Variants in CSMD2 observed in about 807,000 individuals in gnomAD.
CSMD2 encodes the protein CUB and sushi domain-containing protein 2.
CSMD2 carries 130 observed loss-of-function variants against 398.5 expected under a neutral mutation model. That is an observed-to-expected ratio of 0.33 (90% CI 0.28 to 0.38). The LOEUF (loss-of-function observed/expected upper bound fraction) is 0.38. Among genes scored for constraint, CSMD2 ranks in the 10% least tolerant of loss-of-function variants. CSMD2 has a pLI of 1.00. For missense variants in CSMD2, 3,829 were observed against 4,764.9 expected, an observed-to-expected ratio of 0.80 and a Z score of 5.78; for synonymous variants, 1,828 against 1,908.5, an observed-to-expected ratio of 0.96 and a Z score of 1.10.
At chr1:34,121,929 G>A (rs901293260) in intron 1 of CSMD2, among the ~76,000 whole-genome samples, 93 of 151,888 alleles carry the variant, frequency 6.1e-4, no homozygotes, top group African/African-American at 2.1e-3. Context: ...ACACAGGCAC[G>A]CCTTGATCTT....
intron 2 of CSMD2, among the ~76,000 whole-genome samples, chr1:34,045,209 A>G (rs997188391): frequency 6.6e-6 from 1 of 152,066 alleles, no homozygotes; most frequent in Non-Finnish European, 1.5e-5. Context: ...TTTATTCTTA[A>G]AGCATCTTGT....
intron 5 of CSMD2, chr1:33,864,082 C>T (rs1251907874): frequency 9.5e-7 from 1 of 1,047,168 alleles, no homozygotes; most frequent in African/African-American, 1.6e-5. Flanking sequence ...CTCTTGCAGA[C>T]AGAAAAATTC....
intron 13 of CSMD2, among the ~76,000 whole-genome samples, chr1:33,759,528 T>C (rs1262746060): frequency 1.3e-5 from 2 of 151,942 alleles, no homozygotes; most frequent in Non-Finnish European, 2.9e-5. Flanking sequence ...GGTTTCACGG[T>C]GTTAGCCAGG....
At chr1:34,103,660 C>A (rs183769903) in intron 1 of CSMD2, among the ~76,000 whole-genome samples, 1 of 152,186 alleles carries the variant, frequency 6.6e-6, no homozygotes, top group Admixed American at 6.5e-5. Context: ...AGTAGACACT[C>A]AGTACACATT....
chr1:33,765,242 G>A (rs1354794489), intron 13 of CSMD2, among the ~76,000 whole-genome samples: 1 of 152,150 alleles, frequency 6.6e-6, no homozygotes, highest in East Asian at 1.9e-4. Flanking sequence ...ACAACAAACA[G>A]ATGAGAATAA....
chr1:33,618,730 A>C (rs528703304), intron 37 of CSMD2, among the ~76,000 whole-genome samples: 1 of 152,052 alleles, frequency 6.6e-6, no homozygotes, highest in South Asian at 2.1e-4. Context: ...TGGTGAGGGT[A>C]TCCCCTCATA....
At chr1:33,526,454 T>C (rs1037397232) in intron 65 of CSMD2, among the ~76,000 whole-genome samples, 1 of 152,234 alleles carries the variant, frequency 6.6e-6, no homozygotes, top group Non-Finnish European at 1.5e-5. Flanking sequence ...ATTCTAGGGG[T>C]TAAATGACTA....
At chr1:33,786,418 A>G (rs12127667) in intron 12 of CSMD2, among the ~76,000 whole-genome samples, 18,721 of 152,166 alleles carry the variant, frequency 0.12, 1,505 homozygotes, top group Non-Finnish European at 0.18. Flanking sequence ...CAGGGCTTGG[A>G]CCTGAATCAA....
chr1:33,876,578 C>T (rs936247318), intron 5 of CSMD2, among the ~76,000 whole-genome samples: 1 of 152,194 alleles, frequency 6.6e-6, no homozygotes, highest in Admixed American at 6.5e-5. Flanking sequence ...TACAGCAACC[C>T]TTTATAACCT....
At chr1:33,651,932 G>A (rs974976451) in intron 28 of CSMD2, among the ~76,000 whole-genome samples, 3 of 152,092 alleles carry the variant, frequency 2.0e-5, no homozygotes, top group Admixed American at 1.3e-4. Flanking sequence ...ATTGGGGGGG[G>A]TGCCTGGGAC....
At chr1:34,061,828 C>A (rs996051780) in intron 2 of CSMD2, among the ~76,000 whole-genome samples, 11 of 152,168 alleles carry the variant, frequency 7.2e-5, no homozygotes, top group African/African-American at 2.7e-4. Flanking sequence ...GGCTTCCGTG[C>A]TGGATCCTAC....
At chr1:33,776,370 AG>A (rs1408331572) in intron 12 of CSMD2, among the ~76,000 whole-genome samples, 1 of 152,192 alleles carries the variant, frequency 6.6e-6, no homozygotes, top group African/African-American at 2.4e-5. Flanking sequence ...GTGAGTTTTC[AG>A]GTAGGATGGC....
At chr1:33,873,707 T>C (rs770858698) in intron 5 of CSMD2, 2 of 152,218 alleles carry the variant, frequency 1.3e-5, no homozygotes, top group African/African-American at 4.8e-5. Context: ...GACACCTTGA[T>C]TGAAGCCTTA....
chr1:33,643,893 G>T (rs1470389311), intron 29 of CSMD2, among the ~76,000 whole-genome samples: 6 of 40,752 alleles, frequency 1.5e-4, no homozygotes, highest in African/African-American at 2.7e-4. Context: ...TGGGAATGAA[G>T]GAAGGAAGGA....
intron 4 of CSMD2, among the ~76,000 whole-genome samples, chr1:33,931,341 G>C (rs1644306334): frequency 1.3e-5 from 2 of 152,214 alleles, no homozygotes; most frequent in Admixed American, 1.3e-4. Flanking sequence ...GGTACCCTTT[G>C]TTCCTGTTTA....
intron 25 of CSMD2, among the ~76,000 whole-genome samples, chr1:33,669,949 T>G (rs1216503830): frequency 6.6e-6 from 1 of 152,222 alleles, no homozygotes; most frequent in East Asian, 1.9e-4. Context: ...AGACAGATTC[T>G]TCCCCAGTAT....
intron 40 of CSMD2, among the ~76,000 whole-genome samples, chr1:33,613,198 G>GC (rs1334111170): frequency 1.3e-5 from 2 of 152,204 alleles, no homozygotes; most frequent in Admixed American, 1.3e-4. Context: ...CCCAGCAGTA[G>GC]CTTCTTCCCT....
At chr1:33,966,779 T>C (rs1645572071) in intron 3 of CSMD2, among the ~76,000 whole-genome samples, 2 of 152,056 alleles carry the variant, frequency 1.3e-5, no homozygotes, top group African/African-American at 4.8e-5. Flanking sequence ...AGGGCAAAAA[T>C]TGCTTATTGA....
At chr1:33,945,300 T>C (rs1392309889) in intron 3 of CSMD2, among the ~76,000 whole-genome samples, 1 of 152,228 alleles carries the variant, frequency 6.6e-6, no homozygotes, top group African/African-American at 2.4e-5. Context: ...AATATGCTTA[T>C]ACTAAAAAGA....
Sources: allele counts gnomAD v4.1 joint callset (sites outside exome capture counted in the v4.1 genomes callset), GRCh38; gene constraint gnomAD v4.1.1; transcripts MANE v1.5; gene names NCBI Gene and HGNC (gene_info 2026-07-23, HGNC 2026-07-21).